PARD3B: variants seen among roughly 807,000 people sequenced by gnomAD.
The protein encoded by PARD3B is partitioning defective 3 homolog B.
In PARD3B, 103 loss-of-function variants were observed where a neutral mutation model predicts 130.2. That is an observed-to-expected ratio of 0.79 (90% CI 0.67 to 0.93). The LOEUF is 0.93. PARD3B is among the 40% of genes least tolerant of loss of function. The pLI, the probability that PARD3B is intolerant of heterozygous loss-of-function variation, is 0.00. For synonymous variants in PARD3B, 583 were observed against 553.2 expected (o/e 1.05, Z -0.76); for missense variants, 1,609 against 1,499.2 (o/e 1.07, Z -1.21).
At chr2:205,199,723 C>G (rs1215358836) in intron 15 of PARD3B, among the ~76,000 whole-genome samples, 1 of 152,050 alleles carries the variant, frequency 6.6e-6, no homozygotes, top group Non-Finnish European at 1.5e-5. Context: ...TATCCTCATA[C>G]ATAGGAGAGA....
intron 18 of PARD3B, among the ~76,000 whole-genome samples, chr2:205,331,235 C>T (rs757421410): frequency 8.6e-5 from 13 of 150,662 alleles, no homozygotes; most frequent in East Asian, 1.9e-4. Context: ...CACAGATTTA[C>T]GTGCATATAA....
rs2035481293 is a variant in PARD3B, at chr2:205,176,570, A to G, written c.1917A>G (p.Lys639=). Residue 639 remains lysine (K), a synonymous_variant, in exon 13 of 23, where the codon AAA becomes AAG. Coordinates refer to ENST00000406610, the MANE Select transcript of PARD3B (RefSeq NM_001302769.2). This position sits in a 1 kb window ranked among gnomAD's most constrained non-coding sequence, Gnocchi z 5.3. The stretch of plus-strand genomic sequence containing the variant: ...TTGGCACTTGCAGTCCACAAGACAA[A>G]CAGAAAGGTAAGAGTCTATTCATTT... The part of the protein sequence containing the change: ...HPLGTCSPQD[K]QKGLLLPNDG... 6.2e-7 allele frequency: 1 copy of G among 1,608,434 alleles called. No homozygotes were observed. Among genetic ancestry groups the G allele is most frequent in the Non-Finnish European group, 8.5e-7 (1 of 1,177,572 alleles).
intron 15 of PARD3B, among the ~76,000 whole-genome samples, chr2:205,203,486 G>C (rs1439393370): frequency 6.6e-6 from 1 of 150,720 alleles, no homozygotes; most frequent in African/African-American, 2.4e-5. Context: ...ACTATACTGG[G>C]ATACATGTGG....
chr2:205,451,919 C>A (rs1443220758), intron 20 of PARD3B, among the ~76,000 whole-genome samples: 2 of 152,130 alleles, frequency 1.3e-5, no homozygotes, highest in East Asian at 3.9e-4. Context: ...CTTGCTTATT[C>A]TTTCTAACTA....
chr2:204,640,801 A>C (rs913861500), intron 1 of PARD3B, among the ~76,000 whole-genome samples: 4 of 151,826 alleles, frequency 2.6e-5, no homozygotes, highest in African/African-American at 9.7e-5. Context: ...AAGTATCCAG[A>C]AAGCATGAGG....
At chr2:205,119,316 GT>G (rs1043553580) in intron 7 of PARD3B, among the ~76,000 whole-genome samples, 4 of 152,050 alleles carry the variant, frequency 2.6e-5, no homozygotes, top group Admixed American at 1.3e-4. Flanking sequence ...GAACGGGTTT[GT>G]TTTTCTTGGG....
intron 4 of PARD3B, among the ~76,000 whole-genome samples, chr2:205,059,170 C>A (rs1699915121): frequency 6.6e-6 from 1 of 152,010 alleles, no homozygotes; most frequent in Non-Finnish European, 1.5e-5. Flanking sequence ...TCCCCAGCAT[C>A]ATTTGTTAAA....
At chr2:205,426,197 A>G (rs2047139962) in intron 19 of PARD3B, among the ~76,000 whole-genome samples, 1 of 152,154 alleles carries the variant, frequency 6.6e-6, no homozygotes, top group South Asian at 2.1e-4. Context: ...AAAAAATGAA[A>G]CATTGATCAC....
At chr2:205,289,422 T>C (rs1328574117) in intron 16 of PARD3B, among the ~76,000 whole-genome samples, 1 of 152,168 alleles carries the variant, frequency 6.6e-6, no homozygotes, top group African/African-American at 2.4e-5. Context: ...CCAGGTATCA[T>C]GTTCAAAGTT....
At chr2:204,835,616 A>C (rs564735089) in intron 2 of PARD3B, among the ~76,000 whole-genome samples, 41 of 152,182 alleles carry the variant, frequency 2.7e-4, no homozygotes, top group Non-Finnish European at 5.7e-4. Flanking sequence ...TACCAGTTCA[A>C]TTTTGAAATA....
chr2:205,299,729 T>C (rs778845031), intron 16 of PARD3B, among the ~76,000 whole-genome samples: 8 of 152,164 alleles, frequency 5.3e-5, no homozygotes, highest in Non-Finnish European at 8.8e-5. Flanking sequence ...AAACATTATA[T>C]ACCAGAAAAG....
intron 21 of PARD3B, among the ~76,000 whole-genome samples, chr2:205,538,472 TACACACAC>T (rs71410824): frequency 3.3e-5 from 5 of 150,736 alleles, no homozygotes; most frequent in Admixed American, 2.0e-4. Context: ...CACGTGTGTG[TACACACAC>T]ACACACACAC....
intron 21 of PARD3B, among the ~76,000 whole-genome samples, chr2:205,500,265 T>C (rs1254853961): frequency 6.6e-6 from 1 of 152,202 alleles, no homozygotes; most frequent in East Asian, 1.9e-4. Flanking sequence ...CTTCCTGTTA[T>C]ATGCCAACTG....
chr2:205,179,690 C>A (rs538822606), intron 13 of PARD3B, among the ~76,000 whole-genome samples: 1 of 152,110 alleles, frequency 6.6e-6, no homozygotes, highest in Non-Finnish European at 1.5e-5. Context: ...AATTGCCTAA[C>A]GAAGCTTTTC....
At chr2:205,110,568 C>T (rs1250780037) in intron 5 of PARD3B, among the ~76,000 whole-genome samples, 1 of 151,034 alleles carries the variant, frequency 6.6e-6, no homozygotes, top group African/African-American at 2.4e-5. Context: ...AAAATTTTCC[C>T]ACTTTTCTTC....
chr2:204,883,863 A>C (rs1160770506), intron 2 of PARD3B, among the ~76,000 whole-genome samples: 1 of 151,648 alleles, frequency 6.6e-6, no homozygotes, highest in Non-Finnish European at 1.5e-5. Context: ...TCAGCCTCCC[A>C]AGTCACTGGG....
intron 16 of PARD3B, 62 bp downstream of exon 16, chr2:205,245,884 T>A: frequency 7.1e-7 from 1 of 1,403,030 alleles, no homozygotes; most frequent in Non-Finnish European, 1.0e-6. Flanking sequence ...TGTGTTTTAG[T>A]AGCAGTTGGA....
rs78280581 is a variant in PARD3B at position 205,278,404 on chromosome 2, G to A, written c.2186-22126G>A. The stretch of plus-strand genomic sequence containing the variant: ...AGAACTGGACGACTGATAGGCTTGG[G>A]GGGGAGAGGGGTCCCTCATACATAA... On this transcript the variant is annotated intron_variant, in intron 16 of 22. Transcript: ENST00000406610. Among the ~76,000 whole-genome samples the A allele has an allele frequency of 6.3e-3, 966 of 152,274 alleles. 11 individuals carry two copies. The highest frequency in any genetic ancestry group is 0.022 in the African/African-American group (910 of 41,554).
intron 2 of PARD3B, among the ~76,000 whole-genome samples, chr2:204,707,269 A>G (rs377413385): frequency 1.3e-5 from 2 of 152,182 alleles, no homozygotes; most frequent in African/African-American, 4.8e-5. Flanking sequence ...TGGTGGTACT[A>G]TTGTCAGGAA....
Sources: gnomAD v4.1 joint callset for allele counts (sites outside exome capture counted in the v4.1 genomes callset) on GRCh38, gnomAD v4.1.1 for gene constraint, Gnocchi (gnomAD v3.1) non-coding constraint, MANE v1.5 for transcripts, NCBI Gene and HGNC (gene_info 2026-07-23, HGNC 2026-07-21) for gene names.